The following POM121 variants were observed in gnomAD, a reference collection of about 807,000 sequenced individuals.
POM121 encodes the protein POM121 transmembrane nucleoporin.
In POM121, 32 loss-of-function variants were observed where a neutral mutation model predicts 81.3. The ratio of observed to expected loss-of-function variants is 0.39; its 90% CI spans 0.30 to 0.53. The LOEUF is 0.53. Among genes scored for constraint, POM121 ranks in the 20% least tolerant of loss-of-function variants. The pLI is 0.66. For missense variants in POM121, 1,138 were observed against 1,614.6 expected, an observed-to-expected ratio of 0.70 and a Z score of 5.06; for synonymous variants, 514 against 694.2, an observed-to-expected ratio of 0.74 and a Z score of 4.08.
In POM121 at chr7:72,926,310, C is replaced by T. The variant is rs1466582601; in HGVS notation, c.693C>T (p.Arg231=). Residue 231 remains arginine, a synonymous_variant, in exon 2 of 13, where the codon CGC becomes CGT. Coordinates refer to ENST00000434423, the MANE Select transcript of POM121 (RefSeq NM_001387691.1). ...GGTTTGTAATAACACCTAGAAGACG[C>T]TATCCGATCCATCAGGCCCAGTATT... The part of the protein sequence containing the change: ...PNRFVITPRR[R]YPIHQAQYSC... 1 of 1,598,442 alleles carries T rather than the reference C, an allele frequency of 6.3e-7. No homozygotes were observed. The highest frequency in any genetic ancestry group is 2.3e-5 in the East Asian group (1 of 44,168).
At chr7:72,915,878 A>G (rs1282304414) in intron 4 of POM121, among the ~76,000 whole-genome samples, 1 of 151,452 alleles carries the variant, frequency 6.6e-6, no homozygotes, top group Non-Finnish European at 1.5e-5. Flanking sequence ...TAATTTTTGT[A>G]TTTTTAGTCT....
intron 3 of POM121, among the ~76,000 whole-genome samples, chr7:72,912,757 A>G (rs1554494480): frequency 6.6e-6 from 1 of 152,142 alleles, no homozygotes; most frequent in African/African-American, 2.4e-5. Context: ...CCAGCCTGGC[A>G]ACAGAGCAAG....
At chr7:72,921,365 C>G (rs1374131484), upstream of POM121, among the ~76,000 whole-genome samples, 1 of 152,160 alleles carries the variant, frequency 6.6e-6, no homozygotes, top group Non-Finnish European at 1.5e-5. Context: ...ATATAGATTT[C>G]TAGAACTCCC....
At position 72,946,048 on chromosome 7, in the gene POM121, T is replaced by A. The variant is rs1413358826; in HGVS notation, c.3653-89T>A. The A allele has an allele frequency of 4.0e-5, 61 of 1,538,226 alleles. 1 individual carries two copies. Among genetic ancestry groups the A allele is most frequent in the Non-Finnish European group, 5.1e-5 (58 of 1,143,446 alleles). On this transcript the variant is annotated intron_variant, in intron 12 of 12. Transcript: ENST00000434423. ...CCTATTGAGGCACCCTGTGTTTTAT[T>A]ACTGGCCTGGCCTTCCAGAGATTTG...
chr7:72,879,658 C>T (rs1789932633), exon 1 of POM121: 2 of 374,420 alleles, frequency 5.3e-6, no homozygotes, highest in African/African-American at 2.2e-5. Flanking sequence ...CCTCGGCGGC[C>T]TGGCGCCGGC....
intron 7 of POM121, 127 bp from the exon 8 acceptor site, chr7:72,939,720 C>T: frequency 5.0e-6 from 8 of 1,605,982 alleles, no homozygotes; most frequent in Non-Finnish European, 6.8e-6. Context: ...AGCAACCAAA[C>T]CATAGAAGAT....
intron 3 of POM121, among the ~76,000 whole-genome samples, chr7:72,894,565 T>G (rs1586078748): frequency 1.4e-4 from 15 of 110,224 alleles, no homozygotes; most frequent in East Asian, 7.6e-4. Context: ...GCAACAAGAG[T>G]GAAACTTCAT....
chr7:72,935,444 G>C (rs1338332680), intron 5 of POM121, among the ~76,000 whole-genome samples: 1 of 152,138 alleles, frequency 6.6e-6, no homozygotes, highest in African/African-American at 2.4e-5. Context: ...CTGAGTGCTG[G>C]GATTGTAGGC....
chr7:72,939,211 A>T (rs1369084380), intron 6 of POM121, 125 bp from the exon 7 acceptor site: 95 of 1,347,470 alleles, frequency 7.1e-5, no homozygotes, highest in Non-Finnish European at 9.5e-5. Context: ...ATCCTGGCAT[A>T]CTGAGATCTT....
chr7:72,888,675 A>AGTGTGTGTGTGTGT (rs57062510), intron 1 of POM121, among the ~76,000 whole-genome samples: 2,513 of 143,378 alleles, frequency 0.018, 57 homozygotes, highest in African/African-American at 0.061. Context: ...GAGGCATAAG[A>AGTGTGTGTGTGTGT]GTGTGTGTGT....
chr7:72,929,778 T>C lies in POM121; in HGVS notation c.1104-162T>C, dbSNP rs540827556. Among the ~76,000 whole-genome samples, 5 of 152,374 alleles carry C rather than the reference T, an allele frequency of 3.3e-5. No homozygotes were observed. The South Asian group carries it at 1.0e-3, about 32-fold the overall frequency. ...TTAAGTTTTAAATATTTGGCTTTTC[T>C]TACTGACTTTGTCAGATAGATTTGG... On this transcript the variant is annotated intron_variant, in intron 4 of 12. Transcript: ENST00000434423.
chr7:72,892,475 C>A (rs527707706), intron 3 of POM121, among the ~76,000 whole-genome samples: 1 of 152,208 alleles, frequency 6.6e-6, no homozygotes, highest in African/African-American at 2.4e-5. Context: ...CCTTGCAGAT[C>A]GTCAGCACAT....
intron 4 of POM121, among the ~76,000 whole-genome samples, chr7:72,918,012 G>A (rs540407975): frequency 6.6e-6 from 1 of 152,162 alleles, no homozygotes; most frequent in Non-Finnish European, 1.5e-5. Context: ...GATAGCTTAC[G>A]CCATTATTTC....
At chr7:72,879,618 C>T (rs1401394189) in exon 1 of POM121, 6 of 299,854 alleles carry the variant, frequency 2.0e-5, no homozygotes, top group Non-Finnish European at 3.2e-5. Flanking sequence ...GGCGAAGGGG[C>T]GACGGGACCT....
chr7:72,938,064 G>C (rs1237723605), intron 5 of POM121, among the ~76,000 whole-genome samples: 1 of 152,066 alleles, frequency 6.6e-6, no homozygotes, highest in Admixed American at 6.6e-5. Flanking sequence ...CATTACTGAG[G>C]CTAACGTTCC....
At chr7:72,930,208 A>G in intron 5 of POM121, 97 bp downstream of exon 5, 2 of 1,437,934 alleles carry the variant, frequency 1.4e-6, no homozygotes, top group Non-Finnish European at 1.8e-6. Flanking sequence ...TAATCCCAGC[A>G]CTTTGGAAGG....
chr7:72,941,061 C>T (rs1797012044), intron 10 of POM121, 68 bp downstream of exon 10: 5 of 1,606,774 alleles, frequency 3.1e-6, no homozygotes, highest in Non-Finnish European at 4.2e-6. Flanking sequence ...GGAATAAGGG[C>T]GTCGTGCCTG....
At chr7:72,939,571 T>A (rs1586177692) in intron 7 of POM121, among the ~76,000 whole-genome samples, 162 bp downstream of exon 7, 1 of 152,184 alleles carries the variant, frequency 6.6e-6, no homozygotes, top group African/African-American at 2.4e-5. Context: ...GTTTATAGTC[T>A]GATGAGGGAG....
At position 72,925,199 on chromosome 7, in the gene POM121, G is replaced by C. The variant is rs1795261395; in HGVS notation, c.78G>C (p.Arg26=). The change falls in exon 1 of 13, where the codon CGG becomes CGC. Residue 26 remains arginine (R), a synonymous_variant. Coordinates refer to ENST00000434423, the MANE Select transcript of POM121 (RefSeq NM_001387691.1). Reference sequence around the variant, plus strand: ...CGAGTGTCAGGGACGGCCGGGGCCGGGGCTGCGGCGGGCCGGCCAGGGCGG... The same window carrying C: ...CGAGTGTCAGGGACGGCCGGGGCCGCGGCTGCGGCGGGCCGGCCAGGGCGG... ...PIASVRDGRG[R]GCGGPARAVL... is the part of the protein sequence containing the mutation. 2 of 1,522,230 alleles carry C rather than the reference G, an allele frequency of 1.3e-6. No individual in the cohort carries two copies. The highest frequency in any genetic ancestry group is 2.0e-5 in the Admixed American group (1 of 50,188). 94.3% of individuals were successfully genotyped at this position (1,522,230 alleles called of 1,614,324 possible).
Sources: allele counts gnomAD v4.1 joint callset (sites outside exome capture counted in the v4.1 genomes callset), GRCh38; gene constraint gnomAD v4.1.1; transcripts MANE v1.5; gene names NCBI Gene and HGNC (gene_info 2026-07-23, HGNC 2026-07-21).